TRPM3: variants seen among roughly 807,000 people sequenced by gnomAD.
TRPM3 encodes the protein transient receptor potential cation channel subfamily M member 3.
In TRPM3, 77 loss-of-function variants were observed where a neutral mutation model predicts 181.2. That is an observed-to-expected ratio of 0.42 (90% CI 0.35 to 0.51). The LOEUF is 0.51. TRPM3 is among the 20% of genes least tolerant of loss of function. The probability of loss-of-function intolerance (pLI) is 0.01; values close to 1 mark genes in which losing one functional copy is unlikely to be tolerated. For missense variants in TRPM3, 1,759 were observed against 2,196.7 expected, an observed-to-expected ratio of 0.80 and a Z score of 3.98; for synonymous variants, 745 against 796.4, an observed-to-expected ratio of 0.94 and a Z score of 1.09.
At position 70,966,657 on chromosome 9, in the gene TRPM3, C is replaced by T. The variant is rs139793336; in HGVS notation, c.178-102146G>A. Among the ~76,000 whole-genome samples, 420 of 152,094 alleles carry T rather than the reference C, an allele frequency of 2.8e-3. 3 individuals carry two copies. Among genetic ancestry groups the T allele is most frequent in the African/African-American group, 9.3e-3 (385 of 41,514 alleles). ...AACAAAGGAATAGAAAACCAAACAC[C>T]GCGTGTTCTCACTTATAAGTGGGAG... is the stretch of plus-strand genomic sequence containing the variant. On this transcript the variant is annotated intron_variant, in intron 1 of 25. Coordinates refer to ENST00000677713, the MANE Select transcript of TRPM3 (RefSeq NM_001366145.2).
intron 1 of TRPM3, among the ~76,000 whole-genome samples, chr9:71,295,347 C>T (rs764609917): frequency 6.7e-6 from 1 of 150,182 alleles, no homozygotes; most frequent in Non-Finnish European, 1.5e-5. Context: ...GAGCTCATGC[C>T]GAATGTTGAA....
chr9:70,616,203 C>A, intron 17 of TRPM3, 128 bp from the exon 18 acceptor site: 1 of 559,986 alleles, frequency 1.8e-6, no homozygotes, highest in Non-Finnish European at 2.9e-6. Flanking sequence ...TACACATGCA[C>A]ACACAGTTGT....
chr9:71,049,707 G>A (rs754284824), intron 1 of TRPM3, among the ~76,000 whole-genome samples: 1 of 152,146 alleles, frequency 6.6e-6, no homozygotes, highest in Non-Finnish European at 1.5e-5. Flanking sequence ...GGTAGTTTGT[G>A]TTGTTTCTGC....
intron 1 of TRPM3, among the ~76,000 whole-genome samples, chr9:70,946,135 T>C (rs112060867): frequency 0.02 from 2,988 of 152,216 alleles, 51 homozygotes; most frequent in East Asian, 0.047. Context: ...GGGAAAATGG[T>C]ACTCAAAGAG....
intron 1 of TRPM3, among the ~76,000 whole-genome samples, chr9:71,083,574 G>A (rs1205752583): frequency 2.0e-5 from 3 of 151,878 alleles, no homozygotes; most frequent in African/African-American, 7.3e-5. Context: ...TATGAAAAAA[G>A]GGGTGAATAT....
intron 22 of TRPM3, among the ~76,000 whole-genome samples, chr9:70,574,821 G>T (rs1204641320): frequency 6.6e-6 from 1 of 152,178 alleles, no homozygotes; most frequent in Non-Finnish European, 1.5e-5. Flanking sequence ...TTTTCATGAT[G>T]AGCAGCAGCA....
At chr9:70,683,877 G>GT (rs1165837100) in intron 8 of TRPM3, among the ~76,000 whole-genome samples, 5 of 152,194 alleles carry the variant, frequency 3.3e-5, no homozygotes, top group Non-Finnish European at 5.9e-5. Context: ...GAAAGAACCA[G>GT]GGGACAGAGG....
At chr9:71,374,413 C>T (rs186883425) in intron 1 of TRPM3, among the ~76,000 whole-genome samples, 24 of 151,956 alleles carry the variant, frequency 1.6e-4, no homozygotes, top group South Asian at 1.3e-3. Flanking sequence ...ACAAAAAAAA[C>T]CACTCTCAAA....
At chr9:70,920,933 C>T (rs1686863392) in intron 1 of TRPM3, among the ~76,000 whole-genome samples, 1 of 151,956 alleles carries the variant, frequency 6.6e-6, no homozygotes, top group African/African-American at 2.4e-5. Flanking sequence ...TTCCTAGTCA[C>T]TACTGACCAG....
chr9:70,749,822 GA>G (rs2075819692), intron 8 of TRPM3, among the ~76,000 whole-genome samples: 1 of 152,072 alleles, frequency 6.6e-6, no homozygotes, highest in South Asian at 2.1e-4. Flanking sequence ...CACCTTTATG[GA>G]AAAAGAAGTC....
intron 7 of TRPM3, chr9:70,775,240 A>G (rs1369645460): frequency 2.0e-5 from 3 of 152,218 alleles, no homozygotes; most frequent in African/African-American, 7.2e-5. Flanking sequence ...ACTCAGATAA[A>G]TTTGTGGGTT....
intron 25 of TRPM3, among the ~76,000 whole-genome samples, chr9:70,547,535 CA>C (rs58051483): frequency 0.055 from 6,516 of 119,252 alleles, 297 homozygotes; most frequent in African/African-American, 0.15. Context: ...CTTACAAATG[CA>C]AAAAAAAAAA....
At chr9:71,216,570 A>C (rs1417573111) in intron 1 of TRPM3, among the ~76,000 whole-genome samples, 2 of 152,264 alleles carry the variant, frequency 1.3e-5, no homozygotes, top group Non-Finnish European at 2.9e-5. Context: ...TGAAAGGTAC[A>C]TAATTAGTTA....
At chr9:71,263,417 A>C (rs900626512) in intron 1 of TRPM3, among the ~76,000 whole-genome samples, 30 of 152,238 alleles carry the variant, frequency 2.0e-4, no homozygotes, top group Middle Eastern at 3.4e-3. Context: ...AGAAAGAAAA[A>C]CTCCAAAAGG....
chr9:70,536,377 G>T lies in TRPM3; in HGVS notation c.4736C>A (p.Ala1579Asp). The change falls in exon 26 of 26, where the codon GCC (alanine) becomes GAC (aspartate). Residue 1579 changes from alanine (A) to aspartate (D), a missense_variant. This residue lies in a region of TRPM3 where 612 missense variants were observed against 590.0 expected (regional missense o/e 1.04). Coordinates refer to ENST00000677713, the MANE Select transcript of TRPM3 (RefSeq NM_001366145.2). Reference protein sequence around the residue: ...NAPQAIADRAAFPGGLGDKVE... With the variant: ...NAPQAIADRADFPGGLGDKVE... Reference sequence around the variant, plus strand: ...TTTGTCTCCAAGACCTCCAGGGAAGGCAGCTCTGTCCGCAATTGCTTGAGG... The same window carrying T: ...TTTGTCTCCAAGACCTCCAGGGAAGTCAGCTCTGTCCGCAATTGCTTGAGG... The T allele has an allele frequency of 6.2e-7, 1 of 1,614,116 alleles. No individual in the cohort carries two copies. Among genetic ancestry groups the T allele is most frequent in the Non-Finnish European group, 8.5e-7 (1 of 1,180,010 alleles).
chr9:71,058,537 A>C (rs925720145), intron 1 of TRPM3, among the ~76,000 whole-genome samples: 1 of 151,998 alleles, frequency 6.6e-6, no homozygotes, highest in African/African-American at 2.4e-5. Flanking sequence ...CAGTTTCCAA[A>C]AATATTGCCT....
chr9:71,197,149 C>T lies in TRPM3; in HGVS notation c.183+249504G>A, dbSNP rs533800264. On this transcript the variant is annotated intron_variant, in intron 1 of 24. Coordinates refer to the TRPM3 transcript ENST00000357533. Reference sequence around the variant, plus strand: ...GGTTTTTTGTCCTTGCGATAGTTTACGGAGAAGGATGATTCCCAATTTCAT... The same window carrying T: ...GGTTTTTTGTCCTTGCGATAGTTTATGGAGAAGGATGATTCCCAATTTCAT... 9.7e-4 allele frequency among the ~76,000 whole-genome samples: 147 copies of T among 152,230 alleles called. 1 individual carries two copies. The highest frequency in any genetic ancestry group is 1.2e-3 in the Non-Finnish European group (82 of 68,034).
At chr9:71,276,148 T>A (rs1238499380) in intron 1 of TRPM3, among the ~76,000 whole-genome samples, 1 of 152,156 alleles carries the variant, frequency 6.6e-6, no homozygotes, top group Non-Finnish European at 1.5e-5. Context: ...GCTGAAAGAA[T>A]GAACTTTTAC....
chr9:70,759,825 G>A (rs937386171), intron 8 of TRPM3, among the ~76,000 whole-genome samples: 25 of 152,080 alleles, frequency 1.6e-4, no homozygotes, highest in African/African-American at 6.0e-4. Flanking sequence ...GCACACCAGG[G>A]CCTCTCAGGG....
Sources: gnomAD v4.1 joint callset for allele counts (sites outside exome capture counted in the v4.1 genomes callset) on GRCh38, gnomAD v4.1.1 for gene constraint, gnomAD v4.1.1 regional missense constraint, MANE v1.5 for transcripts, NCBI Gene and HGNC (gene_info 2026-07-23, HGNC 2026-07-21) for gene names.